MCM9: variants seen among roughly 807,000 people sequenced by gnomAD.
MCM9 encodes the protein DNA helicase MCM9.
Under a neutral mutation model 72.8 loss-of-function variants are expected in MCM9, and 55 were observed. That is an observed-to-expected ratio of 0.76 (90% confidence interval 0.61 to 0.95). The LOEUF is 0.95. Ranked by LOEUF, MCM9 falls within the 40% of genes least tolerant of loss-of-function variation. The probability of loss-of-function intolerance (pLI) is 0.00; values close to 1 mark genes in which losing one functional copy is unlikely to be tolerated. For synonymous variants in MCM9, 480 were observed against 503.4 expected, an observed-to-expected ratio of 0.95 and a Z score of 0.62; for missense variants, 1,279 against 1,377.0, an observed-to-expected ratio of 0.93 and a Z score of 1.13.
At position 118,814,952 on chromosome 6, in the gene MCM9, T is replaced by C; in HGVS notation, c.3304A>G (p.Lys1102Glu). The C allele has an allele frequency of 6.4e-7, 1 of 1,550,454 alleles. No individual in the cohort carries two copies. Among genetic ancestry groups the C allele is most frequent in the Non-Finnish European group, 8.7e-7 (1 of 1,146,950 alleles). Reference protein sequence around the residue: ...TTAPMRVSKRKSFQLRGSTEK... With the variant: ...TTAPMRVSKRESFQLRGSTEK... ...GTGGACCCACGGAGCTGAAAAGATTTCCTTTTACTGACACGCATTGGAGCT... is the reference window on the plus strand; with the variant it reads ...GTGGACCCACGGAGCTGAAAAGATTCCCTTTTACTGACACGCATTGGAGCT... Residue 1102 changes from lysine to glutamate, a missense_variant, in exon 14 of 14, where the codon AAA becomes GAA. Physicochemically the swap from Lys to Glu is moderately conservative, Grantham distance 56. Transcript: ENST00000619706.
At chr6:118,883,189 T>G (rs946819791) in intron 8 of MCM9, among the ~76,000 whole-genome samples, 9 of 150,900 alleles carry the variant, frequency 6.0e-5, no homozygotes, top group African/African-American at 2.2e-4. Context: ...GTACAATAAC[T>G]GAAACAAAAA....
At position 118,816,249 on chromosome 6, in the gene MCM9, C is replaced by A; in HGVS notation, c.2007G>T (p.Glu669Asp). 1 of 1,549,594 alleles carries A rather than the reference C, an allele frequency of 6.5e-7. No homozygotes were observed. Among genetic ancestry groups the A allele is most frequent in the South Asian group, 1.2e-5 (1 of 83,910 alleles). The stretch of plus-strand genomic sequence containing the variant: ...TCAAGGATCCTGGAGTAGTCTCTAC[C>A]TCCAATACCCGTGGTTGGGATTGGT... Reference protein sequence around the residue: ...SVHQSQPRVLEVETTPGSLRN... With the variant: ...SVHQSQPRVLDVETTPGSLRN... The change falls in exon 14 of 14, where the codon GAG becomes GAT. Residue 669 changes from glutamate (E) to aspartate (D), a missense_variant. By Grantham distance (45) the Glu-to-Asp change is conservative. Transcript: ENST00000619706.
chr6:118,894,850 C>G (rs1370031370), intron 8 of MCM9, among the ~76,000 whole-genome samples: 1 of 152,148 alleles, frequency 6.6e-6, no homozygotes, highest in Non-Finnish European at 1.5e-5. Context: ...GCCGGGCTGG[C>G]TCCGCGCCGC....
chr6:118,927,529 TG>T (rs1297181248), intron 3 of MCM9, among the ~76,000 whole-genome samples: 1 of 151,444 alleles, frequency 6.6e-6, no homozygotes, highest in Non-Finnish European at 1.5e-5. Context: ...CGCTTGAACC[TG>T]GGAGGCGGAG....
intron 8 of MCM9, among the ~76,000 whole-genome samples, chr6:118,889,593 T>C (rs1329815163): frequency 6.6e-6 from 1 of 152,174 alleles, no homozygotes; most frequent in Non-Finnish European, 1.5e-5. Flanking sequence ...AAGTAGAGAC[T>C]TGAGTTCAAG....
In MCM9 at chr6:118,815,457, G is replaced by A. The variant is rs1469913933; in HGVS notation, c.2799C>T (p.His933=). Residue 933 remains histidine (H), a synonymous_variant, in exon 14 of 14, where the codon CAC becomes CAT. Coordinates refer to ENST00000619706, the MANE Select transcript of MCM9 (RefSeq NM_017696.3). Reference sequence around the variant, plus strand: ...ACACATGGCTGTGATCTTCAAAGGAGTGGATCAGTTTTGACTTCTGCTTGA... The same window carrying A: ...ACACATGGCTGTGATCTTCAAAGGAATGGATCAGTTTTGACTTCTGCTTGA... ...FTFKQKSKLI[H]SFEDHSHVSP... 5.2e-6 allele frequency: 8 copies of A among 1,550,076 alleles called. No homozygotes were observed. The highest frequency in any genetic ancestry group is 1.2e-5 in the South Asian group (1 of 83,986).
At chr6:118,899,498 A>C (rs1015353763) in intron 8 of MCM9, among the ~76,000 whole-genome samples, 1 of 151,942 alleles carries the variant, frequency 6.6e-6, no homozygotes, top group Non-Finnish European at 1.5e-5. Flanking sequence ...CTTCCTCTCT[A>C]TCTCCATCAA....
intron 13 of MCM9, among the ~76,000 whole-genome samples, chr6:118,825,270 A>G (rs986333645): frequency 2.0e-5 from 3 of 152,160 alleles, no homozygotes; most frequent in Admixed American, 1.3e-4. Context: ...AAGAGGGGCG[A>G]ATTTTATACA....
chr6:118,858,366 T>G (rs1272543317), intron 8 of MCM9, among the ~76,000 whole-genome samples: 1 of 151,500 alleles, frequency 6.6e-6, no homozygotes. Flanking sequence ...TTCTTCAACT[T>G]GATAAAGGGT....
At chr6:118,879,812 G>A (rs1286362634) in intron 8 of MCM9, among the ~76,000 whole-genome samples, 1 of 152,028 alleles carries the variant, frequency 6.6e-6, no homozygotes, top group African/African-American at 2.4e-5. Flanking sequence ...GGGAGGCTGA[G>A]GTAGGTGGAT....
intron 8 of MCM9, among the ~76,000 whole-genome samples, chr6:118,897,992 T>C (rs1779550310): frequency 6.6e-6 from 1 of 152,226 alleles, no homozygotes; most frequent in African/African-American, 2.4e-5. Flanking sequence ...CCATCTCCTC[T>C]GCTCTCACTT....
At chr6:118,905,387 A>G (rs1780111100) in intron 8 of MCM9, among the ~76,000 whole-genome samples, 1 of 152,214 alleles carries the variant, frequency 6.6e-6, no homozygotes, top group South Asian at 2.1e-4. Flanking sequence ...ACCACCATGC[A>G]GTGTAGCCAG....
chr6:118,882,600 T>G (rs1778357519), intron 8 of MCM9, among the ~76,000 whole-genome samples: 1 of 151,970 alleles, frequency 6.6e-6, no homozygotes, highest in Non-Finnish European at 1.5e-5. Flanking sequence ...AACAGAGCAA[T>G]CAACAACTAG....
intron 10 of MCM9, 137 bp from the exon 11 acceptor site, chr6:118,828,267 C>T (rs1400465180): frequency 1.5e-6 from 1 of 674,424 alleles, no homozygotes; most frequent in African/African-American, 1.8e-5. Context: ...CTAGACTTGT[C>T]TGCATAGCAT....
intron 8 of MCM9, chr6:118,905,845 T>A: frequency 6.5e-7 from 1 of 1,547,232 alleles, no homozygotes; most frequent in Admixed American, 1.9e-5. Context: ...TTCTTACTAT[T>A]CCTTTTTAAC....
intron 9 of MCM9, among the ~76,000 whole-genome samples, chr6:118,843,670 G>GTGTATATATATA (rs1562407108): frequency 2.1e-3 from 36 of 17,096 alleles, no homozygotes; most frequent in Non-Finnish European, 3.4e-3. Flanking sequence ...ATATATATAT[G>GTGTATATATATA]TATGTATATA....
At chr6:118,908,088 A>G (rs1033309486) in intron 8 of MCM9, 6 of 154,058 alleles carry the variant, frequency 3.9e-5, no homozygotes, top group African/African-American at 1.4e-4. Flanking sequence ...TGTCCTTAAA[A>G]AGAGGATTTG....
intron 1 of MCM9, chr6:118,934,320 T>C (rs1583729582): frequency 1.3e-5 from 2 of 152,270 alleles, no homozygotes; most frequent in Non-Finnish European, 2.9e-5. Context: ...AAGGGTCATT[T>C]CACAACTTTC....
At chr6:118,887,357 A>G (rs921083951) in intron 8 of MCM9, among the ~76,000 whole-genome samples, 6 of 152,344 alleles carry the variant, frequency 3.9e-5, no homozygotes, top group African/African-American at 1.4e-4. Flanking sequence ...ATTCTGAGAA[A>G]GGTTCCAAGC....
Sources: allele counts gnomAD v4.1 joint callset (sites outside exome capture counted in the v4.1 genomes callset), GRCh38; gene constraint gnomAD v4.1.1; transcripts MANE v1.5; gene names NCBI Gene and HGNC (gene_info 2026-07-23, HGNC 2026-07-21).